Variants in NXPE1 observed in about 807,000 individuals in gnomAD.
NXPE1 encodes the protein NXPE family member 1.
In NXPE1, 31 loss-of-function variants were observed where a neutral mutation model predicts 33.3. That is an observed-to-expected ratio of 0.93 (90% CI 0.70 to 1.26). The LOEUF is 1.26. NXPE1 is among the 50% of genes most tolerant of loss of function. The pLI, the probability that NXPE1 is intolerant of heterozygous loss-of-function variation, is 0.00. For missense variants in NXPE1, 661 were observed against 655.6 expected, an observed-to-expected ratio of 1.01 and a Z score of -0.09; for synonymous variants, 229 against 231.4, an observed-to-expected ratio of 0.99 and a Z score of 0.09.
At chr11:114,527,952 C>A in intron 6 of NXPE1, 51 bp from the exon 7 acceptor site, 1 of 1,386,010 alleles carries the variant, frequency 7.2e-7, no homozygotes, top group Admixed American at 1.9e-5. Context: ...GCCCATGTAA[C>A]ACAGGTGAAT....
intron 6 of NXPE1, 83 bp downstream of exon 6, chr11:114,530,092 C>T: frequency 7.2e-7 from 1 of 1,393,942 alleles, no homozygotes; most frequent in Non-Finnish European, 9.7e-7. Flanking sequence ...CTGAGTCATG[C>T]TCAATGTTGC....
chr11:114,529,873 G>C lies in NXPE1; in HGVS notation c.833+302C>G, dbSNP rs185231292. On this transcript the variant is annotated intron_variant, in intron 6 of 8. Transcript: ENST00000534921. Reference sequence around the variant, plus strand: ...TTAAGGGGCAAAATTAACAAAATATGATATGGGAGGTGAAGGAGCATGGAT... The same window carrying C: ...TTAAGGGGCAAAATTAACAAAATATCATATGGGAGGTGAAGGAGCATGGAT... 261 of 296,966 alleles carry C rather than the reference G, an allele frequency of 8.8e-4. 3 individuals are homozygous for C. Among genetic ancestry groups the C allele is most frequent in the Non-Finnish European group, 9.4e-4 (151 of 160,364 alleles). The allele number at this position is 296,966 out of a possible 1,614,324, so 18.4% of individuals were successfully genotyped here.
chr11:114,554,836 A>C (rs1174349072), intron 1 of NXPE1, among the ~76,000 whole-genome samples: 4 of 152,126 alleles, frequency 2.6e-5, no homozygotes, highest in African/African-American at 9.7e-5. Flanking sequence ...TTTTTTTCCC[A>C]TTCAGGTTCA....
At chr11:114,522,829 T>G in intron 8 of NXPE1, 50 bp downstream of exon 8, 1 of 1,357,210 alleles carries the variant, frequency 7.4e-7, no homozygotes, top group Non-Finnish European at 1.1e-6. Context: ...TCATTAAAAG[T>G]ACTTTAAAAC....
chr11:114,522,181 T>G, exon 9 of NXPE1: 2 of 1,614,128 alleles, frequency 1.2e-6, no homozygotes, highest in Non-Finnish European at 1.7e-6. Context: ...TGATGTTTTC[T>G]GTCTTAATAA....
At chr11:114,542,811 C>G (rs769890202) in intron 5 of NXPE1, among the ~76,000 whole-genome samples, 1 of 152,002 alleles carries the variant, frequency 6.6e-6, no homozygotes, top group African/African-American at 2.4e-5. Context: ...AAAATATAAA[C>G]CTCACTAAAT....
chr11:114,546,735 C>T (rs774759330), intron 5 of NXPE1, among the ~76,000 whole-genome samples: 6 of 152,180 alleles, frequency 3.9e-5, no homozygotes, highest in East Asian at 1.9e-4. Context: ...CTTGGATAAA[C>T]GGCTGATTCT....
chr11:114,558,606 G>A (rs1412513352), intron 1 of NXPE1, among the ~76,000 whole-genome samples: 1 of 152,096 alleles, frequency 6.6e-6, no homozygotes, highest in Non-Finnish European at 1.5e-5. Flanking sequence ...AAACTTTTAT[G>A]TTTAAATGTG....
chr11:114,527,904 T>TC lies in NXPE1; in HGVS notation c.834-4dup. ...TCATTTCAACTCCCACTTTGGACCT[T>TC]CAAAAAAAAAATAGAACAATAAATT... On this transcript the variant is annotated splice_region_variant and splice_polypyrimidine_tract_variant and intron_variant, in intron 6 of 8. Transcript: ENST00000534921. The TC allele has an allele frequency of 6.5e-7, 1 of 1,527,644 alleles. No individual in the cohort carries two copies. Among genetic ancestry groups the TC allele is most frequent in the South Asian group, 1.2e-5 (1 of 86,320 alleles). The allele number at this position is 1,527,644 out of a possible 1,614,324, so 94.6% of individuals were successfully genotyped here. A position where few individuals can be genotyped will look rare whatever the true frequency, so the allele number is the denominator to read the frequency against.
chr11:114,520,913 A>G (rs2134883027), downstream of NXPE1, among the ~76,000 whole-genome samples: 1 of 152,326 alleles, frequency 6.6e-6, no homozygotes, highest in Non-Finnish European at 1.5e-5. Context: ...TGCTGTTACA[A>G]AGCTTTAAAA....
chr11:114,545,157 A>C (rs916861000), intron 5 of NXPE1, among the ~76,000 whole-genome samples: 25 of 152,206 alleles, frequency 1.6e-4, no homozygotes, highest in Admixed American at 9.2e-4. Flanking sequence ...CACTTTGATA[A>C]TATCTTATAA....
chr11:114,549,822 A>G (rs1948411762), intron 5 of NXPE1, among the ~76,000 whole-genome samples: 1 of 152,100 alleles, frequency 6.6e-6, no homozygotes, highest in Non-Finnish European at 1.5e-5. Flanking sequence ...TATTTATCTG[A>G]AAAACCCCAA....
exon 9 of NXPE1, chr11:114,521,896 A>C (rs575290475): frequency 1.7e-6 from 2 of 1,199,680 alleles, no homozygotes; most frequent in African/African-American, 3.1e-5. Flanking sequence ...AAATGAGTAA[A>C]ACTTACTTTA....
chr11:114,530,812 G>C, exon 6 of NXPE1: 2 of 1,614,212 alleles, frequency 1.2e-6, no homozygotes, highest in Non-Finnish European at 1.7e-6. Context: ...GTCTCTGTTA[G>C]TGGCTTTAAT....
intron 5 of NXPE1, among the ~76,000 whole-genome samples, chr11:114,536,045 C>T (rs1437541693): frequency 5.3e-5 from 8 of 152,160 alleles, no homozygotes; most frequent in Non-Finnish European, 8.8e-5. Flanking sequence ...AAGCACTCCT[C>T]AGCAAATGTA....
chr11:114,540,479 ATGTAT>A (rs1368776909), intron 5 of NXPE1, among the ~76,000 whole-genome samples: 7 of 152,212 alleles, frequency 4.6e-5, no homozygotes, highest in Non-Finnish European at 8.8e-5. Flanking sequence ...ACATAAATAC[ATGTAT>A]TGAATAAGAA....
At chr11:114,520,449 C>T (rs1039507606), downstream of NXPE1, among the ~76,000 whole-genome samples, 1 of 152,186 alleles carries the variant, frequency 6.6e-6, no homozygotes, top group Non-Finnish European at 1.5e-5. Context: ...AGCAGCATCT[C>T]CTTTTGTAAG....
chr11:114,539,589 C>CA (rs1057196925), intron 5 of NXPE1, among the ~76,000 whole-genome samples: 12 of 151,532 alleles, frequency 7.9e-5, no homozygotes, highest in Non-Finnish European at 1.5e-4. Context: ...AATTCTCTCT[C>CA]AAAAAAAATT....
chr11:114,540,649 C>T (rs1000294197), intron 5 of NXPE1, among the ~76,000 whole-genome samples: 12 of 151,708 alleles, frequency 7.9e-5, no homozygotes, highest in Non-Finnish European at 1.8e-4. Context: ...TTGCAATGTT[C>T]AACTCTGAAC....
Sources: allele counts gnomAD v4.1 joint callset (sites outside exome capture counted in the v4.1 genomes callset), GRCh38; gene constraint gnomAD v4.1.1; transcripts MANE v1.5; gene names NCBI Gene and HGNC (gene_info 2026-07-23, HGNC 2026-07-21).